Variants in DNER observed in about 807,000 individuals in gnomAD.
DNER encodes delta/notch like EGF repeat containing.
Under a neutral mutation model 78.2 loss-of-function variants are expected in DNER, and 33 were observed. The ratio of observed to expected loss-of-function variants is 0.42; its 90% confidence interval spans 0.32 to 0.56. The LOEUF (loss-of-function observed/expected upper bound fraction) is 0.56. DNER is among the 20% of genes least tolerant of loss of function. The pLI, the probability that DNER is intolerant of heterozygous loss-of-function variation, is 0.11. For missense variants in DNER, 918 were observed against 975.3 expected, an observed-to-expected ratio of 0.94 and a Z score of 0.78; for synonymous variants, 417 against 384.8, an observed-to-expected ratio of 1.08 and a Z score of -0.98.
chr2:229,399,334 A>T (rs1322139122), intron 10 of DNER, among the ~76,000 whole-genome samples: 1 of 151,862 alleles, frequency 6.6e-6, no homozygotes, highest in South Asian at 2.1e-4. Context: ...GCATATATAC[A>T]TACCTACTTG....
chr2:229,407,954 G>A (rs1693424938), intron 9 of DNER, among the ~76,000 whole-genome samples: 2 of 152,148 alleles, frequency 1.3e-5, no homozygotes, highest in Non-Finnish European at 1.5e-5. Flanking sequence ...TCACAAGCCT[G>A]GTAAGAAAGG....
chr2:229,604,280 A>C (rs1220821645), intron 1 of DNER, among the ~76,000 whole-genome samples: 1 of 152,250 alleles, frequency 6.6e-6, no homozygotes, highest in African/African-American at 2.4e-5. Flanking sequence ...AGAATAAATA[A>C]AGAACAAATG....
chr2:229,396,008 G>A (rs111390075), intron 10 of DNER, among the ~76,000 whole-genome samples: 285 of 152,278 alleles, frequency 1.9e-3, no homozygotes, highest in Non-Finnish European at 2.3e-3. Context: ...GGCAGCCTAA[G>A]TTCTCTGCCT....
chr2:229,363,985 CTTTTTTTTT>C (rs10600729), intron 12 of DNER, among the ~76,000 whole-genome samples: 1 of 77,808 alleles, frequency 1.3e-5, no homozygotes, highest in Non-Finnish European at 2.5e-5. Flanking sequence ...CAATTCTCTG[CTTTTTTTTT>C]TTTTTTTTTT....
chr2:229,453,657 C>G (rs1233288720), intron 7 of DNER, among the ~76,000 whole-genome samples: 1 of 152,144 alleles, frequency 6.6e-6, no homozygotes, highest in Non-Finnish European at 1.5e-5. Flanking sequence ...TTCTGCAGCT[C>G]TCTGTAGATC....
At chr2:229,679,074 C>T (rs564353400) in intron 1 of DNER, among the ~76,000 whole-genome samples, 6 of 152,286 alleles carry the variant, frequency 3.9e-5, no homozygotes, top group East Asian at 3.9e-4. Context: ...CACTTACCCA[C>T]ACTCCTCCCA....
intron 1 of DNER, among the ~76,000 whole-genome samples, chr2:229,635,948 T>TA (rs1473163250): frequency 1.3e-5 from 2 of 151,580 alleles, no homozygotes; most frequent in African/African-American, 2.4e-5. Context: ...ATTATATATA[T>TA]TTTTTATATT....
intron 5 of DNER, among the ~76,000 whole-genome samples, chr2:229,514,093 C>A (rs1328554958): frequency 3.3e-5 from 5 of 152,104 alleles, no homozygotes; most frequent in Non-Finnish European, 7.4e-5. Context: ...AATTCCTGCA[C>A]ATTTCTTGAT....
At chr2:229,411,307 A>G (rs1252160343) in intron 9 of DNER, among the ~76,000 whole-genome samples, 1 of 152,224 alleles carries the variant, frequency 6.6e-6, no homozygotes, top group African/African-American at 2.4e-5. Context: ...CGGTAATCCC[A>G]GCACTTTGGG....
Position 229,503,133 on chromosome 2 carries a change from G to C in DNER, c.1147+9650C>G, listed in dbSNP as rs188460934. Among the ~76,000 whole-genome samples the C allele has an allele frequency of 7.9e-3, 1,198 of 152,326 alleles. 11 individuals are homozygous for C. Among genetic ancestry groups the C allele is most frequent in the Middle Eastern group, 0.024 (7 of 294 alleles). ...AGGGATGATTTCTAAACCGAAAACT[G>C]TAACTGTGTTTTTCAACCTTATGTC... On this transcript the variant is annotated intron_variant, in intron 6 of 12. Transcript: ENST00000341772.
chr2:229,456,029 A>C (rs1694563821), intron 7 of DNER, among the ~76,000 whole-genome samples: 1 of 152,068 alleles, frequency 6.6e-6, no homozygotes, highest in African/African-American at 2.4e-5. Context: ...ATATTAGTCC[A>C]TTTTTGCATT....
chr2:229,416,736 AG>A (rs1357080053), intron 9 of DNER, among the ~76,000 whole-genome samples: 1 of 152,090 alleles, frequency 6.6e-6, no homozygotes, highest in Non-Finnish European at 1.5e-5. Flanking sequence ...GGTTAAGCAA[AG>A]GCTCCCAGCA....
chr2:229,517,361 T>A (rs1696000729), intron 5 of DNER, among the ~76,000 whole-genome samples: 1 of 152,136 alleles, frequency 6.6e-6, no homozygotes, highest in Admixed American at 6.6e-5. Context: ...AAGTTATAAA[T>A]GGCATGGGGA....
intron 8 of DNER, among the ~76,000 whole-genome samples, chr2:229,443,244 ATCTT>A (rs1363881811): frequency 2.0e-5 from 3 of 152,226 alleles, no homozygotes; most frequent in Non-Finnish European, 4.4e-5. Flanking sequence ...AGTGCAAACT[ATCTT>A]CCTTCCTGCC....
intron 5 of DNER, among the ~76,000 whole-genome samples, chr2:229,533,438 G>A (rs1696344042): frequency 2.0e-5 from 3 of 152,120 alleles, no homozygotes; most frequent in Admixed American, 2.0e-4. Flanking sequence ...CGGTAGACTG[G>A]GGATCATCAC....
intron 7 of DNER, among the ~76,000 whole-genome samples, chr2:229,467,761 T>C (rs1264368686): frequency 1.3e-5 from 2 of 152,226 alleles, no homozygotes; most frequent in Admixed American, 1.3e-4. Context: ...ATATGAATGT[T>C]TTGCGTTTAG....
At chr2:229,632,316 C>A (rs1698445187) in intron 1 of DNER, among the ~76,000 whole-genome samples, 1 of 152,166 alleles carries the variant, frequency 6.6e-6, no homozygotes, top group Non-Finnish European at 1.5e-5. Context: ...GAGTAGGAGA[C>A]TCTGACACAT....
At chr2:229,429,523 T>C (rs78704018) in intron 8 of DNER, among the ~76,000 whole-genome samples, 9,305 of 152,256 alleles carry the variant, frequency 0.061, 970 homozygotes, top group African/African-American at 0.21. Flanking sequence ...ATGTGATGTG[T>C]GGTCACCTGG....
intron 5 of DNER, among the ~76,000 whole-genome samples, chr2:229,529,434 C>T (rs1696263912): frequency 1.3e-5 from 2 of 152,226 alleles, no homozygotes; most frequent in Non-Finnish European, 2.9e-5. Flanking sequence ...TCCAAGACCC[C>T]TACCACACTT....
Sources: gnomAD v4.1 joint callset for allele counts (sites outside exome capture counted in the v4.1 genomes callset) on GRCh38, gnomAD v4.1.1 for gene constraint, MANE v1.5 for transcripts, NCBI Gene and HGNC (gene_info 2026-07-23, HGNC 2026-07-21) for gene names.